ZNF385C: variants seen among roughly 807,000 people sequenced by gnomAD.
ZNF385C encodes the protein CTD-2132N18.2.
A neutral mutation model predicts 35.4 loss-of-function variants in ZNF385C; 28 were observed. The ratio of observed to expected loss-of-function variants is 0.79; its 90% CI spans 0.59 to 1.08. The LOEUF is 1.08. ZNF385C is among the 50% of genes least tolerant of loss of function. The pLI, the probability that ZNF385C is intolerant of heterozygous loss-of-function variation, is 0.00. For synonymous variants in ZNF385C, 248 were observed against 248.2 expected (o/e 1.00, Z 0.01); for missense variants, 605 against 595.6 (o/e 1.02, Z -0.16).
chr17:42,035,363 T>G (rs2052830487), intron 3 of ZNF385C, among the ~76,000 whole-genome samples: 1 of 151,462 alleles, frequency 6.6e-6, no homozygotes, highest in Non-Finnish European at 1.5e-5. Context: ...TTTGCAATAA[T>G]TACAACTATT....
chr17:42,037,868 C>T lies in ZNF385C; in HGVS notation c.268G>A (p.Ala90Thr), dbSNP rs549321662. The change falls in exon 3 of 9, where the codon GCC becomes ACC. Residue 90 changes from alanine (A) to threonine (T), a missense_variant. Physicochemically the swap from Ala to Thr is moderately conservative, Grantham distance 58. Coordinates refer to ENST00000692273, the MANE Select transcript of ZNF385C (RefSeq NM_001392013.1). ...AGGGAGGCCAGCAGGGGGCTGGGGG[C>T]GCCGGAGGCCGGGCCTGCTGCAGGA... ...PSGPAGPASGAPSPLLASLPL... is the reference protein window; with the variant it reads ...PSGPAGPASGTPSPLLASLPL... The T allele has an allele frequency of 4.3e-5, 66 of 1,519,986 alleles. No homozygotes were observed. The highest frequency in any genetic ancestry group is 1.7e-4 in the African/African-American group (12 of 72,554). 94.2% of individuals were successfully genotyped at this position (1,519,986 alleles called of 1,614,324 possible). A position where few individuals can be genotyped will look rare whatever the true frequency, so the allele number is the denominator to read the frequency against.
Position 42,050,976 on chromosome 17 carries a change from C to G in ZNF385C, c.250+11831G>C, listed in dbSNP as rs1303737379. Among the ~76,000 whole-genome samples, 1 of 152,090 alleles carries G rather than the reference C, an allele frequency of 6.6e-6. No individual in the cohort carries two copies. The highest frequency in any genetic ancestry group is 1.5e-5 in the Non-Finnish European group (1 of 67,986). On this transcript the variant is annotated intron_variant, in intron 2 of 8. Transcript: ENST00000692273. This position sits in a 1 kb window ranked among gnomAD's most constrained non-coding sequence, Gnocchi z 5.6. ...TTTGGAAGCAAGTGCTTTGGGATCA[C>G]GAAGGAGCGGGCGACCAGCTGAAGG...
intron 2 of ZNF385C, among the ~76,000 whole-genome samples, chr17:42,060,145 C>G (rs997310485): frequency 6.6e-6 from 1 of 152,262 alleles, no homozygotes. Flanking sequence ...CTCAGCACCC[C>G]CTTTCTGATA....
intron 2 of ZNF385C, among the ~76,000 whole-genome samples, chr17:42,041,536 T>C (rs1026570227): frequency 6.6e-6 from 1 of 152,198 alleles, no homozygotes; most frequent in Non-Finnish European, 1.5e-5. Flanking sequence ...ACATCAACTT[T>C]TGTTGTGGTA....
chr17:42,059,885 G>C (rs533831722), intron 2 of ZNF385C, among the ~76,000 whole-genome samples: 15 of 152,264 alleles, frequency 9.9e-5, no homozygotes, highest in East Asian at 5.8e-4. Context: ...GCCTCCCAAA[G>C]TGTTGGGATG....
intron 4 of ZNF385C, among the ~76,000 whole-genome samples, chr17:42,032,201 C>T (rs1384102773): frequency 6.6e-6 from 1 of 152,172 alleles, no homozygotes; most frequent in Non-Finnish European, 1.5e-5. Context: ...GCTGGGACTA[C>T]AGGCGCCCGC....
At chr17:42,032,816 G>A (rs782770365) in intron 4 of ZNF385C, among the ~76,000 whole-genome samples, 1 of 151,462 alleles carries the variant, frequency 6.6e-6, no homozygotes, top group Non-Finnish European at 1.5e-5. Context: ...GGGTTCAAGC[G>A]ATTCTCCTGC....
intron 1 of ZNF385C, among the ~76,000 whole-genome samples, chr17:42,079,937 C>T (rs1283186591): frequency 6.6e-6 from 1 of 152,228 alleles, no homozygotes; most frequent in Non-Finnish European, 1.5e-5. Flanking sequence ...TCCTGCCCAT[C>T]ATCTTGCCTC....
At chr17:42,043,537 GTT>G in intron 2 of ZNF385C, 1 of 486,820 alleles carries the variant, frequency 2.1e-6, no homozygotes, top group East Asian at 3.5e-5. Flanking sequence ...AGCCTGGAGA[GTT>G]TATTCCTGCT....
At chr17:42,056,984 A>AT in intron 2 of ZNF385C, among the ~76,000 whole-genome samples, 1 of 152,232 alleles carries the variant, frequency 6.6e-6, no homozygotes, top group Non-Finnish European at 1.5e-5. Flanking sequence ...AATAAAAAAA[A>AT]ATTTAGCCAG....
At chr17:42,093,828 A>G (rs2096150744) in intron 1 of ZNF385C, among the ~76,000 whole-genome samples, 1 of 150,778 alleles carries the variant, frequency 6.6e-6, no homozygotes, top group South Asian at 2.1e-4. Context: ...CAAGCAATCC[A>G]CCCACCTTGG....
At chr17:42,071,418 C>G (rs1317739593) in intron 1 of ZNF385C, among the ~76,000 whole-genome samples, 1 of 152,088 alleles carries the variant, frequency 6.6e-6, no homozygotes, top group Admixed American at 6.5e-5. Flanking sequence ...TCCTCACCCC[C>G]AGTTGTCTGC....
At chr17:42,053,835 C>T (rs1448568023) in intron 2 of ZNF385C, among the ~76,000 whole-genome samples, 1 of 152,128 alleles carries the variant, frequency 6.6e-6, no homozygotes, top group Non-Finnish European at 1.5e-5. Context: ...GTCATCAGCA[C>T]TCACCCAAGA....
intron 6 of ZNF385C, 66 bp from the exon 7 acceptor site, chr17:42,028,312 C>T (rs1490663345): frequency 6.8e-6 from 10 of 1,463,352 alleles, no homozygotes; most frequent in Non-Finnish European, 9.1e-6. Flanking sequence ...GAGACCCCCT[C>T]CACACTCATG....
intron 1 of ZNF385C, among the ~76,000 whole-genome samples, chr17:42,092,466 T>C (rs925975137): frequency 3.3e-5 from 5 of 152,274 alleles, no homozygotes; most frequent in Admixed American, 6.5e-5. Context: ...CAGTTCTGTA[T>C]ACTGCAAAGT....
At chr17:42,039,582 G>T (rs1309596730) in intron 2 of ZNF385C, 14 of 916,740 alleles carry the variant, frequency 1.5e-5, no homozygotes, top group Non-Finnish European at 2.0e-5. Context: ...GCGGGTGGAT[G>T]GCCTCAGGCC....
intron 5 of ZNF385C, among the ~76,000 whole-genome samples, chr17:42,031,270 A>G (rs1315899741): frequency 6.6e-6 from 1 of 152,170 alleles, no homozygotes; most frequent in Non-Finnish European, 1.5e-5. Context: ...CCAGGCTTAA[A>G]GCAATCCTCC....
chr17:42,078,723 C>A (rs1223351364), intron 1 of ZNF385C, among the ~76,000 whole-genome samples: 1 of 152,116 alleles, frequency 6.6e-6, no homozygotes, highest in Non-Finnish European at 1.5e-5. Flanking sequence ...CTCCACTGCA[C>A]TGGGGCAGAG....
At chr17:42,040,955 C>T (rs782640970) in intron 2 of ZNF385C, 45 of 1,232,106 alleles carry the variant, frequency 3.7e-5, no homozygotes, top group South Asian at 8.2e-5. Flanking sequence ...GCAGATACGC[C>T]GAAAGCCTGC....
Sources: gnomAD v4.1 joint callset for allele counts (sites outside exome capture counted in the v4.1 genomes callset) on GRCh38, gnomAD v4.1.1 for gene constraint, Gnocchi (gnomAD v3.1) non-coding constraint, MANE v1.5 for transcripts, NCBI Gene and HGNC (gene_info 2026-07-23, HGNC 2026-07-21) for gene names.